The following TTC39C variants were observed in gnomAD, a reference collection of about 807,000 sequenced individuals.
TTC39C encodes the protein tetratricopeptide repeat domain 39C.
A neutral mutation model predicts 76.3 loss-of-function variants in TTC39C; 33 were observed. The ratio of observed to expected loss-of-function variants is 0.43; its 90% CI spans 0.33 to 0.58. The LOEUF (loss-of-function observed/expected upper bound fraction) is 0.58, where lower values mean the gene tolerates loss of function less well. Among genes scored for constraint, TTC39C ranks in the 20% least tolerant of loss-of-function variants. The probability of loss-of-function intolerance (pLI) is 0.04; values close to 1 mark genes in which losing one functional copy is unlikely to be tolerated. For synonymous variants in TTC39C, 254 were observed against 260.6 expected (o/e 0.97, Z 0.24); for missense variants, 595 against 701.4 (o/e 0.85, Z 1.71).
Position 24,004,829 on chromosome 18 carries a change from T to G in TTC39C, c.-17+11791T>G, listed in dbSNP as rs2083340306. Among the ~76,000 whole-genome samples, 3 of 152,172 alleles carry G rather than the reference T, an allele frequency of 2.0e-5. No individual in the cohort carries two copies. The South Asian group carries it at 6.2e-4, about 32-fold the overall frequency. On this transcript the variant is annotated intron_variant, in intron 1 of 13. Coordinates refer to the TTC39C transcript ENST00000304621. ...ATCAGGCAATGTACACAAAGATGAA[T>G]AGCCACACTGCTTTCTGGGAGTTAC...
At chr18:23,994,585 G>C (rs1207670729) in intron 1 of TTC39C, 1 of 151,092 alleles carries the variant, frequency 6.6e-6, no homozygotes, top group Non-Finnish European at 1.5e-5. Flanking sequence ...CACACTGAAT[G>C]GTACTTACGT....
chr18:24,114,401 G>A (rs2084864496), intron 6 of TTC39C, 153 bp from the exon 7 acceptor site: 1 of 582,124 alleles, frequency 1.7e-6, no homozygotes, highest in East Asian at 3.1e-5. Flanking sequence ...GGGGCAAATT[G>A]GAGTATTTTC....
At chr18:24,015,904 A>G (rs925844748) in intron 1 of TTC39C, among the ~76,000 whole-genome samples, 3 of 152,104 alleles carry the variant, frequency 2.0e-5, no homozygotes, top group African/African-American at 7.2e-5. Flanking sequence ...TGAGGAAGCA[A>G]GTTTGTGATT....
chr18:24,069,364 G>A (rs2084208567), intron 4 of TTC39C, 93 bp downstream of exon 4: 1 of 1,040,310 alleles, frequency 9.6e-7, no homozygotes, highest in Non-Finnish European at 1.4e-6. Flanking sequence ...TTCAGTCTTT[G>A]AACACATGTG....
chr18:24,018,777 A>G (rs1490152381), intron 1 of TTC39C, among the ~76,000 whole-genome samples: 1 of 152,140 alleles, frequency 6.6e-6, no homozygotes, highest in African/African-American at 2.4e-5. Flanking sequence ...GAAACAGCGG[A>G]AAAACCCACG....
At chr18:24,083,306 C>A (rs1444656122) in intron 6 of TTC39C, among the ~76,000 whole-genome samples, 2 of 152,162 alleles carry the variant, frequency 1.3e-5, no homozygotes, top group African/African-American at 2.4e-5. Flanking sequence ...GGGTAAGATT[C>A]CTCATTGCTA....
chr18:24,047,743 T>C (rs367654421), intron 1 of TTC39C, among the ~76,000 whole-genome samples: 17 of 152,200 alleles, frequency 1.1e-4, no homozygotes, highest in African/African-American at 3.9e-4. Context: ...TTAATAAAAC[T>C]TTTGAAGAAG....
At chr18:24,026,745 CCTT>C (rs775117176) in intron 1 of TTC39C, among the ~76,000 whole-genome samples, 4 of 152,160 alleles carry the variant, frequency 2.6e-5, no homozygotes, top group Non-Finnish European at 4.4e-5. Context: ...TCCACTTTGG[CCTT>C]CTTAGCACAC....
upstream of TTC39C, among the ~76,000 whole-genome samples, chr18:24,012,172 T>A (rs6508092): frequency 7.1e-5 from 6 of 84,582 alleles, no homozygotes; most frequent in African/African-American, 1.9e-4. Context: ...TTGGAGGCTC[T>A]TTTTGTATCC....
intron 7 of TTC39C, among the ~76,000 whole-genome samples, chr18:24,117,707 A>G (rs1227912773): frequency 6.9e-6 from 1 of 143,886 alleles, no homozygotes; most frequent in African/African-American, 2.9e-5. Context: ...TTCTCAAAAA[A>G]AAAGAAAAAA....
At chr18:24,027,264 T>C (rs2083609890) in intron 1 of TTC39C, among the ~76,000 whole-genome samples, 1 of 151,210 alleles carries the variant, frequency 6.6e-6, no homozygotes, top group Non-Finnish European at 1.5e-5. Context: ...TGTGCGAGAC[T>C]CCATCTCAAA....
intron 1 of TTC39C, among the ~76,000 whole-genome samples, chr18:24,055,640 T>C (rs557856030): frequency 6.6e-6 from 1 of 152,340 alleles, no homozygotes; most frequent in East Asian, 1.9e-4. Context: ...TATTAACCCC[T>C]TATCAGATAT....
chr18:23,995,116 T>C (rs1254366020), intron 1 of TTC39C, among the ~76,000 whole-genome samples: 5 of 152,184 alleles, frequency 3.3e-5, no homozygotes, highest in African/African-American at 7.2e-5. Context: ...TTCTCTCTAC[T>C]ATCCCTAACT....
intron 12 of TTC39C, among the ~76,000 whole-genome samples, chr18:24,131,020 CAAAAAAAAAAAAAAAAA>C (rs59161044): frequency 4.2e-4 from 6 of 14,424 alleles, no homozygotes; most frequent in Non-Finnish European, 7.1e-4. Flanking sequence ...CTCATCTCTG[CAAAAAAAAAAAAAAAAA>C]AAAAAAAAAA....
chr18:24,084,773 G>A (rs954371811), intron 6 of TTC39C, among the ~76,000 whole-genome samples: 1 of 151,916 alleles, frequency 6.6e-6, no homozygotes, highest in Admixed American at 6.6e-5. Context: ...GCGATCCTCC[G>A]ACCTCAGCCT....
In TTC39C at chr18:23,997,674, GAAAGAAA is replaced by G. The variant is rs1568398781; in HGVS notation, c.-17+4637_-17+4643del. 7.9e-3 allele frequency among the ~76,000 whole-genome samples: 1,154 copies of G among 146,170 alleles called. 12 individuals are homozygous for G. Among genetic ancestry groups the G allele is most frequent in the Middle Eastern group, 0.024 (7 of 288 alleles). On this transcript the variant is annotated intron_variant, in intron 1 of 13. Transcript: ENST00000304621. ...AAGGAGAAAGAAAGAAAGAAAGAAA[GAAAGAAA>G]GAAAGAAAGAAAGAAAGAAAGAAAG...
At chr18:24,118,919 G>A (rs1039945833) in intron 8 of TTC39C, among the ~76,000 whole-genome samples, 1 of 152,114 alleles carries the variant, frequency 6.6e-6, no homozygotes, top group African/African-American at 2.4e-5. Context: ...GCCTCCCAAA[G>A]CACTGGGATT....
rs2145710485 is a variant in TTC39C, at chr18:24,050,836, C to T, written c.168-13304C>T. On this transcript the variant is annotated intron_variant, in intron 1 of 13. Coordinates refer to ENST00000317571, the MANE Select transcript of TTC39C (RefSeq NM_001135993.2). ...GCAGTGAGCTGAGATCATGCCATTG[C>T]ACTCTAGCCTGGGCAACAAGAGCAA... Among the ~76,000 whole-genome samples the T allele has an allele frequency of 1.3e-5, 2 of 149,178 alleles. 1 individual carries two copies. Among genetic ancestry groups the T allele is most frequent in the South Asian group, 4.2e-4 (2 of 4,748 alleles).
intron 4 of TTC39C, among the ~76,000 whole-genome samples, chr18:24,080,119 G>C (rs1009796232): frequency 5.3e-5 from 8 of 152,078 alleles, no homozygotes; most frequent in African/African-American, 1.9e-4. Flanking sequence ...GAAATTTAAT[G>C]GTCACCTAGA....
Sources: allele counts gnomAD v4.1 joint callset (sites outside exome capture counted in the v4.1 genomes callset), GRCh38; gene constraint gnomAD v4.1.1; transcripts MANE v1.5; gene names NCBI Gene and HGNC (gene_info 2026-07-23, HGNC 2026-07-21).